ARID3C: variants seen among roughly 807,000 people sequenced by gnomAD.
ARID3C encodes AT-rich interaction domain 3C, also known as AT-rich interactive domain-containing protein 3C.
Under a neutral mutation model 37.9 loss-of-function variants are expected in ARID3C, and 42 were observed. The observed-to-expected ratio is 1.11, with a 90% CI of 0.87 to 1.43. ARID3C has a LOEUF of 1.43. Ranked by LOEUF, ARID3C falls within the 40% of genes most tolerant of loss-of-function variation. The probability of loss-of-function intolerance (pLI) is 0.00; values close to 1 mark genes in which losing one functional copy is unlikely to be tolerated. For missense variants in ARID3C, 581 were observed against 548.8 expected, an observed-to-expected ratio of 1.06 and a Z score of -0.59; for synonymous variants, 213 against 228.0, an observed-to-expected ratio of 0.93 and a Z score of 0.59.
At chr9:34,627,955 G>T in exon 1 of ARID3C, 1 of 1,546,664 alleles carries the variant, frequency 6.5e-7, no homozygotes, top group Non-Finnish European at 8.7e-7. Flanking sequence ...GGCATGCAGG[G>T]GCCAATGGCC....
upstream of ARID3C, among the ~76,000 whole-genome samples, chr9:34,630,349 C>T (rs1227920228): frequency 6.6e-6 from 1 of 152,134 alleles, no homozygotes; most frequent in Non-Finnish European, 1.5e-5. Context: ...CCCACTCCTC[C>T]CGGGAATCCT....
At chr9:34,627,961 T>C in exon 1 of ARID3C, 2 of 1,545,480 alleles carry the variant, frequency 1.3e-6, no homozygotes, top group Non-Finnish European at 1.7e-6. Flanking sequence ...CAGGGGCCAA[T>C]GGCCCCACCC....
At chr9:34,626,754 AC>A (rs369608061) in intron 1 of ARID3C, among the ~76,000 whole-genome samples, 55 of 151,322 alleles carry the variant, frequency 3.6e-4, no homozygotes, top group African/African-American at 1.3e-3. Flanking sequence ...CCAAGTAATA[AC>A]CCCTAGAATT....
chr9:34,632,858 T>C (rs1043234585), upstream of ARID3C, among the ~76,000 whole-genome samples: 4 of 151,950 alleles, frequency 2.6e-5, no homozygotes, highest in African/African-American at 9.7e-5. Flanking sequence ...CAAGTGGAGA[T>C]GTTGAGTAGA....
At chr9:34,625,235 C>G (rs1820639004) in intron 2 of ARID3C, among the ~76,000 whole-genome samples, 1 of 152,128 alleles carries the variant, frequency 6.6e-6, no homozygotes, top group Non-Finnish European at 1.5e-5. Context: ...CCTCCTGGAC[C>G]CTTCTTGCGT....
chr9:34,630,086 T>C (rs114547928), upstream of ARID3C, among the ~76,000 whole-genome samples: 3,624 of 152,232 alleles, frequency 0.024, 149 homozygotes, highest in African/African-American at 0.083. Flanking sequence ...TTTTGAAACA[T>C]AGACAAGTGA....
chr9:34,626,345 C>T (rs1472481629), intron 1 of ARID3C, among the ~76,000 whole-genome samples: 1 of 152,136 alleles, frequency 6.6e-6, no homozygotes, highest in Non-Finnish European at 1.5e-5. Context: ...GGGTTGACAC[C>T]CAGGGCCCTT....
At chr9:34,623,571 G>C in exon 4 of ARID3C, 1 of 1,606,906 alleles carries the variant, frequency 6.2e-7, no homozygotes, top group Non-Finnish European at 8.5e-7. Flanking sequence ...CCGAGGGGGC[G>C]GCCCTGCCAA....
chr9:34,624,448 C>T (rs1486390869), intron 2 of ARID3C, among the ~76,000 whole-genome samples: 1 of 152,240 alleles, frequency 6.6e-6, no homozygotes, highest in African/African-American at 2.4e-5. Flanking sequence ...CCATTCTTAT[C>T]TTGCAGGCAG....
chr9:34,627,909 G>T (rs768532800), exon 1 of ARID3C: 1 of 1,559,922 alleles, frequency 6.4e-7, no homozygotes, highest in South Asian at 1.2e-5. Context: ...TGTAGGGTCC[G>T]GTGGTCAGGC....
upstream of ARID3C, among the ~76,000 whole-genome samples, chr9:34,629,529 C>T (rs1053972808): frequency 6.6e-6 from 1 of 152,184 alleles, no homozygotes; most frequent in East Asian, 1.9e-4. Flanking sequence ...TCTCCCTTTG[C>T]CTTGAGCACC....
intron 1 of ARID3C, 139 bp downstream of exon 2, chr9:34,627,558 T>C (rs1253910599): frequency 4.1e-6 from 3 of 735,940 alleles, no homozygotes; most frequent in Admixed American, 5.7e-5. Flanking sequence ...TCTGTCTTTC[T>C]ATAGGTCTCC....
exon 1 of ARID3C, chr9:34,627,829 C>A (rs1257341127): frequency 6.2e-7 from 1 of 1,611,344 alleles, no homozygotes; most frequent in African/African-American, 1.3e-5. Context: ...CTTCCTCCCG[C>A]TTCTCCTCAT....
At chr9:34,631,513 T>C (rs748674686), upstream of ARID3C, among the ~76,000 whole-genome samples, 1 of 152,172 alleles carries the variant, frequency 6.6e-6, no homozygotes. Flanking sequence ...ACATATTTAT[T>C]ATCTATTTTT....
Position 34,628,023 on chromosome 9 carries a change from C to G in ARID3C, c.-9G>C, listed in dbSNP as rs1482527858. ...TTCTGCAGGGCCTCCATGACAGCTT[C>G]CAGGCGCAGTCCCCCAGCTGAGGGG... On this transcript the variant is annotated 5_prime_UTR_variant, in exon 1 of 7. Coordinates refer to ENST00000378909, the Ensembl canonical transcript of ARID3C. This position sits in a 1 kb window ranked among gnomAD's most constrained non-coding sequence, Gnocchi z 5.2. The G allele has an allele frequency of 2.7e-6, 4 of 1,470,966 alleles. No individual in the cohort carries two copies. Among genetic ancestry groups the G allele is most frequent in the Non-Finnish European group, 3.6e-6 (4 of 1,110,120 alleles). The allele number at this position is 1,470,966 out of a possible 1,614,324, so 91.1% of individuals were successfully genotyped here.
chr9:34,627,708 G>T lies in ARID3C; in HGVS notation c.307C>A (p.Gln103Lys), dbSNP rs1418340220. The T allele has an allele frequency of 7.5e-6, 12 of 1,610,644 alleles. No individual in the cohort carries two copies. In the East Asian group the frequency reaches 2.7e-4, roughly 36 times the overall value. Residue 103 changes from glutamine (Q) to lysine (K), a missense_variant, in exon 1 of 7, where the codon CAA (glutamine) becomes AAA (lysine). Coordinates refer to ENST00000378909, the Ensembl canonical transcript of ARID3C. ...GGCATAGGTCCTACCTGCTTGAATT[G>T]TTCCTCGTAGGTCCACTCGTGGGGA...
At chr9:34,629,957 T>G (rs1820708742), upstream of ARID3C, among the ~76,000 whole-genome samples, 1 of 151,702 alleles carries the variant, frequency 6.6e-6, no homozygotes, top group Non-Finnish European at 1.5e-5. Context: ...GAGATGGGGT[T>G]TCACCATTTT....
rs1208316510 is a variant in ARID3C, at chr9:34,625,740, AC to A, written c.391+1del. The A allele has an allele frequency of 6.2e-7, 1 of 1,613,646 alleles. No homozygotes were observed. The highest frequency in any genetic ancestry group is 8.5e-7 in the Non-Finnish European group (1 of 1,179,796). ...GCCCTTCCCCCACATCATGCCACTC[AC>A]CCCTCTTTTGCATGAAGCTAAACAG... On this transcript the variant is annotated splice_donor_variant, in intron 2 of 6. Coordinates refer to ENST00000378909, the Ensembl canonical transcript of ARID3C. LOFTEE classifies it high-confidence loss of function.
chr9:34,626,133 C>T lies in ARID3C; in HGVS notation c.319-319G>A, dbSNP rs182649232. 2.1e-3 allele frequency among the ~76,000 whole-genome samples: 314 copies of T among 152,300 alleles called. 2 individuals are homozygous for T. Among genetic ancestry groups the T allele is most frequent in the Middle Eastern group, 0.01 (3 of 294 alleles). ...CTGGGGCTCAGTCTTCCCCCACCCT[C>T]ATGGGAAATTTAGAGCCCCAGGAAG... is the stretch of plus-strand genomic sequence containing the variant. On this transcript the variant is annotated intron_variant, in intron 1 of 6. Transcript: ENST00000378909.
Sources: gnomAD v4.1 joint callset for allele counts (sites outside exome capture counted in the v4.1 genomes callset) on GRCh38, gnomAD v4.1.1 for gene constraint, Gnocchi (gnomAD v3.1) non-coding constraint, MANE v1.5 for transcripts, NCBI Gene and HGNC (gene_info 2026-07-23, HGNC 2026-07-21) for gene names.